PNPLA1: variants seen among roughly 807,000 people sequenced by gnomAD.
The protein encoded by PNPLA1 is omega-hydroxyceramide transacylase.
A neutral mutation model predicts 51.7 loss-of-function variants in PNPLA1; 36 were observed. That is an observed-to-expected ratio of 0.70 (90% CI 0.53 to 0.92). The LOEUF is 0.92. PNPLA1 is among the 40% of genes least tolerant of loss of function. The pLI is 0.00. For synonymous variants in PNPLA1, 293 were observed against 280.1 expected, an observed-to-expected ratio of 1.05 and a Z score of -0.46; for missense variants, 658 against 682.5, an observed-to-expected ratio of 0.96 and a Z score of 0.40.
chr6:36,246,292 C>T (rs376113022), intron 1 of PNPLA1, among the ~76,000 whole-genome samples: 39 of 152,050 alleles, frequency 2.6e-4, no homozygotes, highest in African/African-American at 9.2e-4. Flanking sequence ...GCACCCTCCA[C>T]CTCCCAGGTT....
chr6:36,309,681 G>A (rs965000265), intron 8 of PNPLA1, among the ~76,000 whole-genome samples: 4 of 152,208 alleles, frequency 2.6e-5, no homozygotes, highest in African/African-American at 9.6e-5. Flanking sequence ...TGTTGTCATT[G>A]GGTCACACCT....
chr6:36,297,670 G>C (rs1309379125), intron 5 of PNPLA1, among the ~76,000 whole-genome samples: 1 of 152,252 alleles, frequency 6.6e-6, no homozygotes, highest in East Asian at 1.9e-4. Flanking sequence ...TGGCAGCGCA[G>C]GCTGGCGTGC....
At chr6:36,292,419 A>C (rs1191231405) in intron 2 of PNPLA1, among the ~76,000 whole-genome samples, 7 of 138,472 alleles carry the variant, frequency 5.1e-5, no homozygotes, top group East Asian at 2.1e-4. Context: ...CCCACCTTCC[A>C]CTCCTACCAT....
At chr6:36,304,399 GC>G (rs1445393479) in intron 6 of PNPLA1, among the ~76,000 whole-genome samples, 1 of 152,108 alleles carries the variant, frequency 6.6e-6, no homozygotes, top group Non-Finnish European at 1.5e-5. Context: ...GCAGAGGCAG[GC>G]AAGTCACTTT....
chr6:36,247,242 C>T (rs962020572), intron 1 of PNPLA1, among the ~76,000 whole-genome samples: 20 of 152,216 alleles, frequency 1.3e-4, no homozygotes, highest in South Asian at 2.1e-4. Flanking sequence ...TGACCTCACC[C>T]GCTTTCAAAT....
intron 6 of PNPLA1, among the ~76,000 whole-genome samples, chr6:36,305,494 A>G (rs1489012398): frequency 1.3e-5 from 2 of 152,164 alleles, no homozygotes; most frequent in Non-Finnish European, 1.5e-5. Flanking sequence ...TATACTTTAT[A>G]TTACCTTTAT....
At chr6:36,258,008 A>G (rs1352013661) in intron 1 of PNPLA1, among the ~76,000 whole-genome samples, 2 of 152,140 alleles carry the variant, frequency 1.3e-5, no homozygotes, top group African/African-American at 4.8e-5. Context: ...TTATTTTTGT[A>G]GAGATGAGGT....
At chr6:36,306,472 C>T in intron 7 of PNPLA1, 96 bp downstream of exon 7, 1 of 1,062,764 alleles carries the variant, frequency 9.4e-7, no homozygotes, top group Admixed American at 2.3e-5. Flanking sequence ...GCCCCAGGAA[C>T]TCTGGGATCC....
In PNPLA1 at chr6:36,270,450, G is replaced by A. The variant is rs1405699986; in HGVS notation, c.-10G>A. The A allele has an allele frequency of 1.0e-5, 16 of 1,550,876 alleles. No individual in the cohort carries two copies. Among genetic ancestry groups the A allele is most frequent in the Non-Finnish European group, 1.1e-5 (13 of 1,146,914 alleles). ...GCTCCGCCTTCCGCAGAAAGTCAGA[G>A]GCCGAGGAGATGGAAGAACAGGTGT... On this transcript the variant is annotated 5_prime_UTR_variant, in exon 1 of 9. Coordinates refer to ENST00000636260, the MANE Select transcript of PNPLA1 (RefSeq NM_001374623.1).
chr6:36,302,203 C>G lies in PNPLA1; in HGVS notation c.1118C>G (p.Ser373Ter). The G allele has an allele frequency of 6.2e-7, 1 of 1,614,240 alleles. No individual in the cohort carries two copies. The highest frequency in any genetic ancestry group is 1.3e-5 in the African/African-American group (1 of 75,062). ...TCTCTAAGTGGCATGCCACCTGTAT[C>G]ATTCCCAGCTGTGCACAAGCCACCC... Reference protein sequence around the residue: ...PLSLSGMPPVSFPAVHKPPSS... With the variant: ...PLSLSGMPPV Residue 373 changes from serine to a stop codon, truncating the protein, a stop_gained, in exon 6 of 9, where the codon TCA becomes TGA. Transcript: ENST00000636260. LOFTEE classifies it high-confidence loss of function.
rs370829059 is a variant in PNPLA1 at position 36,262,577 on chromosome 6, G to A, written c.-81+19316G>A. Among the ~76,000 whole-genome samples the A allele has an allele frequency of 3.3e-5, 5 of 152,172 alleles. No homozygotes were observed. The South Asian group carries it at 6.2e-4, about 19-fold the overall frequency. ...GTGAAAAATGGGTTTCCCTCCACCC[G>A]CAAGCCCCAGTCCCTTCCTCAGAAG... On this transcript the variant is annotated intron_variant, in intron 1 of 7. Coordinates refer to the PNPLA1 transcript ENST00000312917.
At chr6:36,295,293 C>T in intron 4 of PNPLA1, 71 bp from the exon 5 acceptor site, 1 of 1,525,528 alleles carries the variant, frequency 6.6e-7, no homozygotes, top group Non-Finnish European at 9.1e-7. Flanking sequence ...AGTAGCTGCC[C>T]TGGGTCGGGG....
intron 1 of PNPLA1, among the ~76,000 whole-genome samples, chr6:36,273,202 T>C (rs1769974159): frequency 6.6e-6 from 1 of 151,902 alleles, no homozygotes; most frequent in Non-Finnish European, 1.5e-5. Context: ...ATCGCGCTAC[T>C]ACACTCCAGC....
intron 1 of PNPLA1, among the ~76,000 whole-genome samples, chr6:36,250,108 C>G (rs1769388793): frequency 6.6e-6 from 1 of 152,174 alleles, no homozygotes; most frequent in Admixed American, 6.5e-5. Flanking sequence ...CTTGTCATCT[C>G]CAACCACAGA....
At position 36,294,095 on chromosome 6, in the gene PNPLA1, A is replaced by T; in HGVS notation, c.505-95A>T. On this transcript the variant is annotated intron_variant, in intron 3 of 8. Transcript: ENST00000636260. This position sits in a 1 kb window ranked among gnomAD's most constrained non-coding sequence, Gnocchi z 4.2. ...CTGGATCTTCCTTGATGGGCCCTTG[A>T]AGCTGGTGCCATATCCCATGGGCCA... 1 of 1,409,402 alleles carries T rather than the reference A, an allele frequency of 7.1e-7. No individual in the cohort carries two copies. Among genetic ancestry groups the T allele is most frequent in the Non-Finnish European group, 9.7e-7 (1 of 1,027,368 alleles). The allele number at this position is 1,409,402 out of a possible 1,614,324, so 87.3% of individuals were successfully genotyped here.
chr6:36,301,859 A>G lies in PNPLA1; in HGVS notation c.776-2A>G. The G allele has an allele frequency of 6.2e-7, 1 of 1,611,942 alleles. No individual in the cohort carries two copies. Among genetic ancestry groups the G allele is most frequent in the Non-Finnish European group, 8.5e-7 (1 of 1,178,552 alleles). Reference sequence around the variant, plus strand: ...AACACCCCATGCTATTGTTTATCCTAGATGCTGTTTATCTTAATTCTTCCT... The same window carrying G: ...AACACCCCATGCTATTGTTTATCCTGGATGCTGTTTATCTTAATTCTTCCT... On this transcript the variant is annotated splice_acceptor_variant, in intron 5 of 8. Coordinates refer to ENST00000636260, the MANE Select transcript of PNPLA1 (RefSeq NM_001374623.1). LOFTEE classifies it high-confidence loss of function.
intron 1 of PNPLA1, among the ~76,000 whole-genome samples, chr6:36,252,783 G>A (rs1186516126): frequency 6.6e-6 from 1 of 152,130 alleles, no homozygotes; most frequent in Non-Finnish European, 1.5e-5. Context: ...GGCCCTTCCT[G>A]GTATTATCTT....
chr6:36,300,495 C>T (rs1771008824), intron 5 of PNPLA1, among the ~76,000 whole-genome samples: 1 of 152,124 alleles, frequency 6.6e-6, no homozygotes, highest in African/African-American at 2.4e-5. Context: ...TCTTGATGAC[C>T]TTGACAGAGT....
chr6:36,311,705 G>T (rs772649760), intron 8 of PNPLA1, 58 bp from the exon 9 acceptor site: 2 of 150,776 alleles, frequency 1.3e-5, no homozygotes, highest in Non-Finnish European at 2.9e-5. Flanking sequence ...GAGGTCTTCT[G>T]ATTCTCCCTT....
Sources: gnomAD v4.1 joint callset for allele counts (sites outside exome capture counted in the v4.1 genomes callset) on GRCh38, gnomAD v4.1.1 for gene constraint, Gnocchi (gnomAD v3.1) non-coding constraint, MANE v1.5 for transcripts, NCBI Gene and HGNC (gene_info 2026-07-23, HGNC 2026-07-21) for gene names.